CACNA1H: variants seen among roughly 807,000 people sequenced by gnomAD.
CACNA1H encodes calcium voltage-gated channel subunit alpha1 H, also known as voltage-dependent T-type calcium channel subunit alpha-1H.
CACNA1H carries 149 observed loss-of-function variants against 192.5 expected under a neutral mutation model. The ratio of observed to expected loss-of-function variants is 0.77; its 90% CI spans 0.68 to 0.89. CACNA1H has a LOEUF of 0.89. Ranked by LOEUF, CACNA1H falls within the 40% of genes least tolerant of loss-of-function variation. The probability of loss-of-function intolerance (pLI) is 0.00; values close to 1 mark genes in which losing one functional copy is unlikely to be tolerated. For missense variants in CACNA1H, 4,257 were observed against 3,423.5 expected, an observed-to-expected ratio of 1.24 and a Z score of -6.08; for synonymous variants, 2,202 against 1,475.2, an observed-to-expected ratio of 1.49 and a Z score of -11.29.
intron 2 of CACNA1H, among the ~76,000 whole-genome samples, chr16:1,174,228 G>A (rs1596324474): frequency 6.6e-6 from 1 of 152,186 alleles, no homozygotes. Flanking sequence ...GCACCCGGCT[G>A]AAGTCTCCTG....
Position 1,185,957 on chromosome 16 carries a change from GGCGT to G in CACNA1H, c.300-9010_300-9007del, listed in dbSNP as rs1287639545. Among the ~76,000 whole-genome samples the G allele has an allele frequency of 1.2e-4, 13 of 111,578 alleles. 3 individuals are homozygous for G. The highest frequency in any genetic ancestry group is 5.3e-4 in the African/African-American group (13 of 24,396). The allele number at this position is 111,578 out of a possible 152,430, so 73.2% of individuals were successfully genotyped here. On this transcript the variant is annotated intron_variant, in intron 2 of 34. Coordinates refer to ENST00000348261, the MANE Select transcript of CACNA1H (RefSeq NM_021098.3). Reference sequence around the variant, plus strand: ...GTGTGTACGGGGCGGGTGAGTAGACGGCGTGCGTAGGGGCCGGAGGCGGGGTGTG... The same window carrying G: ...GTGTGTACGGGGCGGGTGAGTAGACGGCGTAGGGGCCGGAGGCGGGGTGTG...
At position 1,210,575 on chromosome 16, in the gene CACNA1H, C is replaced by T. The variant is rs1969318964; in HGVS notation, c.3970-8C>T. 2 of 1,609,676 alleles carry T rather than the reference C, an allele frequency of 1.2e-6. No individual in the cohort carries two copies. Among genetic ancestry groups the T allele is most frequent in the Non-Finnish European group, 8.5e-7 (1 of 1,179,782 alleles). On this transcript the variant is annotated splice_region_variant and splice_polypyrimidine_tract_variant and intron_variant, in intron 19 of 34. Transcript: ENST00000348261. The stretch of plus-strand genomic sequence containing the variant: ...TGGACACAGCCCCCCACCGTCCTCT[C>T]CCGGCAGGAGCGGGTCTTCCTCAGC...
chr16:1,194,951 C>T lies in CACNA1H; in HGVS notation c.300-21C>T, dbSNP rs56737073. 1.3e-4 allele frequency: 203 copies of T among 1,575,432 alleles called. No homozygotes were observed. The African/African-American group carries it at 2.2e-3, about 17-fold the overall frequency. On this transcript the variant is annotated intron_variant, in intron 2 of 34. Coordinates refer to ENST00000348261, the MANE Select transcript of CACNA1H (RefSeq NM_021098.3). ...GCGGGTCCCGGGCCGCGCCGGTGTG[C>T]TCCTTAACCCGCGGCGACACATGGT... is the stretch of plus-strand genomic sequence containing the variant.
In CACNA1H at chr16:1,153,286, C is replaced by A; in HGVS notation, c.-203C>A. 5 of 144,378 alleles carry A rather than the reference C, an allele frequency of 3.5e-5. No individual in the cohort carries two copies. In the South Asian group the frequency reaches 9.3e-4, roughly 27 times the overall value. The allele number at this position is 144,378 out of a possible 1,614,324, so 8.9% of individuals were successfully genotyped here. A position where few individuals can be genotyped will look rare whatever the true frequency, so the allele number is the denominator to read the frequency against. The stretch of plus-strand genomic sequence containing the variant: ...CCGCCGGGCGAGCCGGAGCCGGAGT[C>A]GAGCCGCGGCCGGGAGCCGGGCGGG... On this transcript the variant is annotated 5_prime_UTR_variant, in exon 1 of 35. Transcript: ENST00000348261.
chr16:1,182,798 C>T (rs1965605388), intron 2 of CACNA1H, among the ~76,000 whole-genome samples: 1 of 152,124 alleles, frequency 6.6e-6, no homozygotes, highest in South Asian at 2.1e-4. Flanking sequence ...CGGGGACCCC[C>T]ACCCTGGCCC....
In CACNA1H at chr16:1,220,215, G is replaced by T; in HGVS notation, c.6283G>T (p.Asp2095Tyr). Residue 2095 changes from aspartate to tyrosine, a missense_variant, in exon 35 of 35, where the codon GAC becomes TAC. Coordinates refer to ENST00000348261, the MANE Select transcript of CACNA1H (RefSeq NM_021098.3). Reference protein sequence around the residue: ...APGGEEAEASDPADEEVSHIT... With the variant: ...APGGEEAEASYPADEEVSHIT... ...AGGCGGAGAGGAGGCCGAGGCCTCG[G>T]ACCCAGCCGACGAGGAGGTCAGCCA... The T allele has an allele frequency of 6.4e-7, 1 of 1,572,652 alleles. No homozygotes were observed. Among genetic ancestry groups the T allele is most frequent in the Non-Finnish European group, 8.6e-7 (1 of 1,164,388 alleles).
intron 5 of CACNA1H, among the ~76,000 whole-genome samples, chr16:1,197,601 T>C (rs1967139969): frequency 6.6e-6 from 1 of 152,230 alleles, no homozygotes; most frequent in Non-Finnish European, 1.5e-5. Context: ...CACTCTGACC[T>C]CTGGGTCATC....
chr16:1,207,501 A>G, intron 14 of CACNA1H, 71 bp downstream of exon 14: 3 of 1,480,192 alleles, frequency 2.0e-6, no homozygotes, highest in Non-Finnish European at 9.3e-7. Context: ...GGTCGAGGGG[A>G]GGGGTGTGGG....
At chr16:1,155,962 G>A (rs977499044) in intron 2 of CACNA1H, among the ~76,000 whole-genome samples, 2 of 152,060 alleles carry the variant, frequency 1.3e-5, no homozygotes, top group Non-Finnish European at 2.9e-5. Flanking sequence ...AGCCCGAGAG[G>A]GACTTGGGTG....
intron 12 of CACNA1H, 77 bp from the exon 13 acceptor site, chr16:1,206,924 C>A: frequency 4.9e-6 from 1 of 203,244 alleles, no homozygotes; most frequent in Non-Finnish European, 1.0e-5. Context: ...CCTCCCACCC[C>A]CCTCCCGCTC....
intron 20 of CACNA1H, 34 bp from the exon 21 acceptor site, chr16:1,210,753 T>G: frequency 1.3e-6 from 2 of 1,590,596 alleles, no homozygotes; most frequent in Non-Finnish European, 1.7e-6. Flanking sequence ...CCCCCACGCC[T>G]GAGCCTGAGC....
intron 5 of CACNA1H, among the ~76,000 whole-genome samples, chr16:1,198,401 T>A (rs997158430): frequency 2.0e-5 from 3 of 152,124 alleles, no homozygotes; most frequent in African/African-American, 7.2e-5. Flanking sequence ...CCCCAGGGTG[T>A]CAGTGTCCCT....
At chr16:1,188,822 C>T (rs1966317257) in intron 2 of CACNA1H, among the ~76,000 whole-genome samples, 1 of 152,216 alleles carries the variant, frequency 6.6e-6, no homozygotes, top group Non-Finnish European at 1.5e-5. Context: ...ACACCTAACC[C>T]CGGCCCTCCC....
At chr16:1,168,894 C>T (rs936887638) in intron 2 of CACNA1H, among the ~76,000 whole-genome samples, 1 of 152,084 alleles carries the variant, frequency 6.6e-6, no homozygotes. Flanking sequence ...GGGGGTGCCC[C>T]GCTCTGAAGT....
At chr16:1,198,008 C>T (rs1278744924) in intron 5 of CACNA1H, among the ~76,000 whole-genome samples, 2 of 152,168 alleles carry the variant, frequency 1.3e-5, no homozygotes, top group Non-Finnish European at 2.9e-5. Context: ...CCCACCGCCT[C>T]CAGCAGCCTC....
intron 2 of CACNA1H, among the ~76,000 whole-genome samples, chr16:1,189,870 C>T (rs994907756): frequency 2.6e-5 from 4 of 152,204 alleles, no homozygotes; most frequent in Non-Finnish European, 4.4e-5. Context: ...TTCATCGTTA[C>T]GAGCCCCTGG....
intron 2 of CACNA1H, among the ~76,000 whole-genome samples, chr16:1,160,849 G>A (rs964019109): frequency 3.3e-5 from 5 of 152,114 alleles, no homozygotes; most frequent in African/African-American, 9.7e-5. Context: ...TGGAGGCCCC[G>A]TGCAGCGTCA....
At chr16:1,154,059 G>A (rs1364375303) in intron 2 of CACNA1H, 23 bp downstream of exon 2, 56 of 943,114 alleles carry the variant, frequency 5.9e-5, no homozygotes, top group Non-Finnish European at 7.6e-5. Flanking sequence ...GCCGGCGGGG[G>A]GCGGGGGGCG....
chr16:1,219,872 G>A (rs941375650), intron 34 of CACNA1H, 109 bp from the exon 35 acceptor site: 5 of 825,688 alleles, frequency 6.1e-6, no homozygotes, highest in Non-Finnish European at 6.6e-6. Flanking sequence ...CAGGGGACCT[G>A]CCCAGTTTGG....
Sources: allele counts gnomAD v4.1 joint callset (sites outside exome capture counted in the v4.1 genomes callset), GRCh38; gene constraint gnomAD v4.1.1; transcripts MANE v1.5; gene names NCBI Gene and HGNC (gene_info 2026-07-23, HGNC 2026-07-21).